PPP3CC: variants seen among roughly 807,000 people sequenced by gnomAD.
PPP3CC encodes the protein protein phosphatase 3 catalytic subunit gamma.
In PPP3CC, 35 loss-of-function variants were observed where a neutral mutation model predicts 60.3. That is an observed-to-expected ratio of 0.58 (90% confidence interval 0.44 to 0.77). The LOEUF is 0.77. Among genes scored for constraint, PPP3CC ranks in the 30% least tolerant of loss-of-function variants. The pLI, the probability that PPP3CC is intolerant of heterozygous loss-of-function variation, is 0.00. For missense variants in PPP3CC, 570 were observed against 628.9 expected (o/e 0.91, Z 1.00); for synonymous variants, 206 against 224.3 (o/e 0.92, Z 0.73).
intron 13 of PPP3CC, among the ~76,000 whole-genome samples, chr8:22,540,321 C>T (rs981098804): frequency 2.6e-5 from 4 of 152,134 alleles, no homozygotes; most frequent in Non-Finnish European, 5.9e-5. Context: ...TACTGGGGCC[C>T]AGTAAGTACT....
At chr8:22,527,662 G>C in intron 9 of PPP3CC, 145 bp downstream of exon 9, 1 of 942,896 alleles carries the variant, frequency 1.1e-6, no homozygotes. Context: ...CTGAGATGGA[G>C]TCTCGCTCTG....
At position 22,522,777 on chromosome 8, in the gene PPP3CC, T is replaced by A. The variant is rs748124200; in HGVS notation, c.943+28T>A. The A allele has an allele frequency of 5.5e-6, 8 of 1,464,020 alleles. No homozygotes were observed. The South Asian group carries it at 9.2e-5, about 17-fold the overall frequency. The allele number at this position is 1,464,020 out of a possible 1,614,324, so 90.7% of individuals were successfully genotyped here. On this transcript the variant is annotated intron_variant, in intron 8 of 13. Transcript: ENST00000240139. ...AAAGGAATCCAGCAATATTTGAGTT[T>A]GAATTTATGAGTAAACGTGAGCTCT...
intron 4 of PPP3CC, among the ~76,000 whole-genome samples, chr8:22,506,907 A>G (rs888064860): frequency 6.6e-6 from 1 of 151,806 alleles, no homozygotes; most frequent in African/African-American, 2.4e-5. Context: ...GCGCCACTGC[A>G]CTCCAGTCTC....
chr8:22,476,845 T>A (rs1306317700), intron 3 of PPP3CC, among the ~76,000 whole-genome samples: 1 of 149,750 alleles, frequency 6.7e-6, no homozygotes, highest in Non-Finnish European at 1.5e-5. Context: ...GGCAGGAGAA[T>A]GGCGTGAACC....
intron 1 of PPP3CC, among the ~76,000 whole-genome samples, chr8:22,459,647 A>G (rs954827230): frequency 6.6e-6 from 1 of 152,148 alleles, no homozygotes; most frequent in Non-Finnish European, 1.5e-5. Context: ...AGTTCATGTC[A>G]TATTACTTTG....
chr8:22,513,442 T>G lies in PPP3CC; in HGVS notation c.770+10T>G, dbSNP rs202078586. ...GCTCTTATTTCTACAGGTAAGCTAGTCCTTGAGGTCGAAAATTATGAAAGG... is the reference window on the plus strand; with the variant it reads ...GCTCTTATTTCTACAGGTAAGCTAGGCCTTGAGGTCGAAAATTATGAAAGG... On this transcript the variant is annotated intron_variant, in intron 6 of 13. Coordinates refer to ENST00000240139, the MANE Select transcript of PPP3CC (RefSeq NM_005605.5). The G allele has an allele frequency of 1.3e-6, 2 of 1,566,638 alleles. No homozygotes were observed. Among genetic ancestry groups the G allele is most frequent in the Non-Finnish European group, 1.7e-6 (2 of 1,162,974 alleles).
intron 10 of PPP3CC, among the ~76,000 whole-genome samples, chr8:22,529,745 A>T (rs1839653104): frequency 1.3e-5 from 2 of 152,202 alleles, no homozygotes; most frequent in Admixed American, 6.5e-5. Flanking sequence ...TCGGTCTCCC[A>T]AAGAGCTGGG....
At chr8:22,539,614 AAAGG>A in intron 13 of PPP3CC, 116 bp downstream of exon 13, 1 of 1,088,316 alleles carries the variant, frequency 9.2e-7, no homozygotes, top group Non-Finnish European at 1.3e-6. Context: ...AACAGTGAGA[AAAGG>A]TATAGTTGTT....
intron 3 of PPP3CC, among the ~76,000 whole-genome samples, chr8:22,478,936 G>GT (rs1837980037): frequency 6.6e-6 from 1 of 152,228 alleles, no homozygotes. Context: ...AACTTAAAGG[G>GT]TTTTTTCTGC....
intron 1 of PPP3CC, among the ~76,000 whole-genome samples, chr8:22,459,979 A>G (rs573245719): frequency 6.6e-6 from 1 of 152,312 alleles, no homozygotes; most frequent in Non-Finnish European, 1.5e-5. Context: ...AAATATCTAT[A>G]CTGCATTAGT....
chr8:22,492,582 G>GC, intron 3 of PPP3CC: 2 of 467,596 alleles, frequency 4.3e-6, no homozygotes. Flanking sequence ...ACCAACCCTA[G>GC]CCCCCCACGT....
At chr8:22,539,107 C>T (rs1839905302) in intron 12 of PPP3CC, among the ~76,000 whole-genome samples, 1 of 152,032 alleles carries the variant, frequency 6.6e-6, no homozygotes, top group African/African-American at 2.4e-5. Flanking sequence ...TTAATATCAC[C>T]TGAGATATTT....
Position 22,531,266 on chromosome 8 carries a change from C to T in PPP3CC, c.1142-959C>T, listed in dbSNP as rs1839708820. 9 of 1,513,642 alleles carry T rather than the reference C, an allele frequency of 5.9e-6. No individual in the cohort carries two copies. The South Asian group carries it at 7.2e-5, about 12-fold the overall frequency. 93.8% of individuals were successfully genotyped at this position (1,513,642 alleles called of 1,614,324 possible). A position where few individuals can be genotyped will look rare whatever the true frequency, so the allele number is the denominator to read the frequency against. On this transcript the variant is annotated intron_variant, in intron 10 of 13. Transcript: ENST00000240139. The stretch of plus-strand genomic sequence containing the variant: ...ATTTCTCTTCTCATATTTCTGTCTT[C>T]ATCTCCTTGTTTCTTGGTGTTTCTT...
At chr8:22,449,015 C>A (rs370065142) in intron 1 of PPP3CC, among the ~76,000 whole-genome samples, 1 of 151,792 alleles carries the variant, frequency 6.6e-6, no homozygotes, top group Non-Finnish European at 1.5e-5. Flanking sequence ...GAGGCTGAAG[C>A]GGGAGGATTG....
At chr8:22,493,651 C>T (rs992065390) in intron 3 of PPP3CC, among the ~76,000 whole-genome samples, 2 of 152,132 alleles carry the variant, frequency 1.3e-5, no homozygotes, top group Non-Finnish European at 2.9e-5. Flanking sequence ...CTGCCTTTCA[C>T]CTCCACATCT....
chr8:22,518,590 A>G (rs564175642), intron 6 of PPP3CC, among the ~76,000 whole-genome samples: 7 of 152,314 alleles, frequency 4.6e-5, no homozygotes, highest in South Asian at 2.1e-4. Flanking sequence ...TATTAGGTCC[A>G]TTGGGTTCAT....
In PPP3CC at chr8:22,527,511, GA is replaced by G. The variant is rs1320841161; in HGVS notation, c.1068del (p.Val357SerfsTer6). ...VFTWSLPFVG[E>X]KVTEMLVNVL... ...CACATGGTCTTTGCCTTTTGTTGGG[GA>G]AAAAGGTAAGAGAACTAAAGCACAT... On this transcript the variant is annotated frameshift_variant, in exon 9 of 14. Coordinates refer to ENST00000240139, the MANE Select transcript of PPP3CC (RefSeq NM_005605.5). LOFTEE classifies it high-confidence loss of function. 1.2e-6 allele frequency: 2 copies of G among 1,613,212 alleles called. No individual in the cohort carries two copies. The highest frequency in any genetic ancestry group is 2.7e-5 in the African/African-American group (2 of 74,878).
intron 3 of PPP3CC, among the ~76,000 whole-genome samples, chr8:22,496,754 C>T (rs1397411718): frequency 2.0e-5 from 3 of 151,986 alleles, no homozygotes; most frequent in Middle Eastern, 3.4e-3. Flanking sequence ...GCCTCGGCCT[C>T]CCCAAGTGCT....
intron 1 of PPP3CC, among the ~76,000 whole-genome samples, chr8:22,472,431 A>G (rs1837756776): frequency 6.9e-6 from 1 of 144,894 alleles, no homozygotes; most frequent in East Asian, 2.1e-4. Context: ...ACACAGGGTC[A>G]GGATCATGAA....
Sources: allele counts gnomAD v4.1 joint callset (sites outside exome capture counted in the v4.1 genomes callset), GRCh38; gene constraint gnomAD v4.1.1; transcripts MANE v1.5; gene names NCBI Gene and HGNC (gene_info 2026-07-23, HGNC 2026-07-21).